The following DOCK1 variants were observed in gnomAD, a reference collection of about 807,000 sequenced individuals.
DOCK1 encodes the protein dedicator of cytokinesis 1.
A neutral mutation model predicts 262.7 loss-of-function variants in DOCK1; 138 were observed. The observed-to-expected ratio is 0.53, with a 90% CI of 0.46 to 0.61. DOCK1 has a LOEUF of 0.61. DOCK1 is among the 20% of genes least tolerant of loss of function. DOCK1 has a pLI of 0.00. For synonymous variants in DOCK1, 866 were observed against 867.4 expected (o/e 1.00, Z 0.03); for missense variants, 1,908 against 2,370.7 (o/e 0.80, Z 4.05).
chr10:127,448,777 G>GT (rs1395420449), intron 51 of DOCK1, among the ~76,000 whole-genome samples: 1 of 147,944 alleles, frequency 6.8e-6, no homozygotes, highest in Non-Finnish European at 1.5e-5. Context: ...GGGTGGCTCT[G>GT]TTTTTTTCAT....
At chr10:126,923,718 G>T (rs1293269048) in intron 1 of DOCK1, among the ~76,000 whole-genome samples, 1 of 152,220 alleles carries the variant, frequency 6.6e-6, no homozygotes, top group South Asian at 2.1e-4. Flanking sequence ...CTCCATGTGC[G>T]ATGGTCCGTA....
In DOCK1 at chr10:126,905,517, C is replaced by A; in HGVS notation, c.-1C>A. ...CGACCCGCGGCGGCTCCGGCGGCGC[C>A]ATGACGCGCTGGGTGCCCACCAAGC... On this transcript the variant is annotated 5_prime_UTR_variant, in exon 1 of 52. Transcript: ENST00000623213. 1 of 533,672 alleles carries A rather than the reference C, an allele frequency of 1.9e-6. No individual in the cohort carries two copies. The highest frequency in any genetic ancestry group is 2.3e-5 in the South Asian group (1 of 43,748). 33.1% of individuals were successfully genotyped at this position (533,672 alleles called of 1,614,324 possible). A position where few individuals can be genotyped will look rare whatever the true frequency, so the allele number is the denominator to read the frequency against.
intron 29 of DOCK1, among the ~76,000 whole-genome samples, chr10:127,333,912 A>G (rs975206169): frequency 2.0e-5 from 3 of 152,234 alleles, no homozygotes; most frequent in South Asian, 2.1e-4. Context: ...TCAAAAATAA[A>G]AAAACAAAAC....
chr10:127,186,480 A>T (rs1189386537), intron 27 of DOCK1, among the ~76,000 whole-genome samples: 1 of 133,258 alleles, frequency 7.5e-6, no homozygotes, highest in South Asian at 2.6e-4. Flanking sequence ...TTTCACTCAC[A>T]ATCATGATAA....
At chr10:127,164,676 CTTT>C (rs1491000078) in intron 27 of DOCK1, among the ~76,000 whole-genome samples, 1 of 152,108 alleles carries the variant, frequency 6.6e-6, no homozygotes, top group Non-Finnish European at 1.5e-5. Context: ...TAAGGCAGGA[CTTT>C]TTATTTTTTA....
At chr10:127,284,207 A>G (rs1337877527) in intron 29 of DOCK1, among the ~76,000 whole-genome samples, 1 of 152,166 alleles carries the variant, frequency 6.6e-6, no homozygotes, top group Non-Finnish European at 1.5e-5. Context: ...CTATGCTCAT[A>G]GTAACCTATT....
At chr10:127,220,729 G>A (rs1230126432) in intron 27 of DOCK1, among the ~76,000 whole-genome samples, 2 of 151,980 alleles carry the variant, frequency 1.3e-5, no homozygotes, top group Non-Finnish European at 2.9e-5. Context: ...CAAAGATGGG[G>A]GCCGTAGAAT....
At chr10:127,263,769 A>G (rs916657322) in intron 29 of DOCK1, among the ~76,000 whole-genome samples, 12 of 152,210 alleles carry the variant, frequency 7.9e-5, no homozygotes, top group Non-Finnish European at 1.2e-4. Flanking sequence ...ATGGCCAGCA[A>G]TCATACCATG....
chr10:127,279,940 G>C (rs1016254817), intron 29 of DOCK1, among the ~76,000 whole-genome samples: 2 of 150,176 alleles, frequency 1.3e-5, no homozygotes, highest in African/African-American at 4.9e-5. Flanking sequence ...TTAAAATTGA[G>C]GCAAGTGTCA....
chr10:127,221,773 A>G (rs1411366205), intron 27 of DOCK1, among the ~76,000 whole-genome samples: 1 of 152,208 alleles, frequency 6.6e-6, no homozygotes, highest in East Asian at 1.9e-4. Flanking sequence ...GTGGCTTGAA[A>G]TGAGCTCTTG....
chr10:127,213,228 T>C lies in DOCK1; in HGVS notation c.2848-34780T>C, dbSNP rs117419179. On this transcript the variant is annotated intron_variant, in intron 27 of 51. Coordinates refer to ENST00000623213, the MANE Select transcript of DOCK1 (RefSeq NM_001290223.2). ...ATGTTTTCTTTGATTTTTAAGACAGTACTTGGAAGTTAAGTGTGGGCATCA... is the reference window on the plus strand; with the variant it reads ...ATGTTTTCTTTGATTTTTAAGACAGCACTTGGAAGTTAAGTGTGGGCATCA... 2.1e-4 allele frequency among the ~76,000 whole-genome samples: 32 copies of C among 152,346 alleles called. 1 individual carries two copies. In the East Asian group the frequency reaches 6.0e-3, roughly 28 times the overall value.
chr10:126,916,917 T>C lies in DOCK1; in HGVS notation c.46+11354T>C, dbSNP rs369089968. 1.4e-3 allele frequency among the ~76,000 whole-genome samples: 151 copies of C among 107,952 alleles called. 5 individuals are homozygous for C. The highest frequency in any genetic ancestry group is 8.5e-3 in the Middle Eastern group (2 of 234). The allele number at this position is 107,952 out of a possible 152,430, so 70.8% of individuals were successfully genotyped here. A position where few individuals can be genotyped will look rare whatever the true frequency, so the allele number is the denominator to read the frequency against. Reference sequence around the variant, plus strand: ...TGCAGAGAGACAGGTGGGAGCTGTGTGAGGCCAGCGGTGTTTCAGAATTCC... The same window carrying C: ...TGCAGAGAGACAGGTGGGAGCTGTGCGAGGCCAGCGGTGTTTCAGAATTCC... On this transcript the variant is annotated intron_variant, in intron 1 of 51. Coordinates refer to ENST00000623213, the MANE Select transcript of DOCK1 (RefSeq NM_001290223.2).
chr10:127,308,605 G>A (rs2135481228), intron 29 of DOCK1, among the ~76,000 whole-genome samples: 1 of 152,202 alleles, frequency 6.6e-6, no homozygotes, highest in South Asian at 2.1e-4. Context: ...CCCCTGACAG[G>A]CCCTGGTACG....
chr10:127,230,493 G>T (rs1054749330), intron 27 of DOCK1, among the ~76,000 whole-genome samples: 6 of 152,190 alleles, frequency 3.9e-5, no homozygotes, highest in Admixed American at 2.6e-4. Flanking sequence ...TGGAGATCCA[G>T]TTCTTCCAGC....
chr10:127,077,343 C>A (rs913262995), intron 23 of DOCK1, among the ~76,000 whole-genome samples: 3 of 151,956 alleles, frequency 2.0e-5, no homozygotes, highest in Admixed American at 6.6e-5. Context: ...TGCAGTCAGC[C>A]GAGATTGCAC....
chr10:127,041,524 G>C (rs2044011995), intron 19 of DOCK1, among the ~76,000 whole-genome samples: 1 of 152,150 alleles, frequency 6.6e-6, no homozygotes, highest in South Asian at 2.1e-4. Flanking sequence ...AATAATATTT[G>C]TGTACAAGTT....
intron 27 of DOCK1, among the ~76,000 whole-genome samples, chr10:127,243,756 T>G (rs968193389): frequency 6.6e-6 from 1 of 152,110 alleles, no homozygotes; most frequent in Non-Finnish European, 1.5e-5. Context: ...AGACAGGAGC[T>G]TAAGAAATGG....
chr10:127,234,437 G>C (rs1281970572), intron 27 of DOCK1, among the ~76,000 whole-genome samples: 1 of 151,952 alleles, frequency 6.6e-6, no homozygotes, highest in African/African-American at 2.4e-5. Flanking sequence ...CCCTCCAAAA[G>C]ACACAAAAAT....
intron 1 of DOCK1, among the ~76,000 whole-genome samples, chr10:126,954,445 T>A: frequency 6.6e-6 from 1 of 152,366 alleles, no homozygotes; most frequent in Admixed American, 6.5e-5. Context: ...AACCTAAAAT[T>A]TCCCATTTGA....
Sources: gnomAD v4.1 joint callset for allele counts (sites outside exome capture counted in the v4.1 genomes callset) on GRCh38, gnomAD v4.1.1 for gene constraint, MANE v1.5 for transcripts, NCBI Gene and HGNC (gene_info 2026-07-23, HGNC 2026-07-21) for gene names.